RELCH: variants seen among roughly 807,000 people sequenced by gnomAD.
The protein encoded by RELCH is RAB11-binding protein RELCH.
RELCH carries 41 observed loss-of-function variants against 150.3 expected under a neutral mutation model. The ratio of observed to expected loss-of-function variants is 0.27; its 90% CI spans 0.21 to 0.35. The LOEUF (loss-of-function observed/expected upper bound fraction) is 0.35. RELCH is among the 10% of genes least tolerant of loss of function. The pLI is 1.00. For missense variants in RELCH, 1,092 were observed against 1,467.8 expected (o/e 0.74, Z 4.18); for synonymous variants, 478 against 531.8 (o/e 0.90, Z 1.39).
chr18:62,271,510 G>A (rs1245852643), intron 20 of RELCH, among the ~76,000 whole-genome samples: 1 of 151,950 alleles, frequency 6.6e-6, no homozygotes, highest in African/African-American at 2.4e-5. Context: ...TGAGTAGATT[G>A]CAAAAATTTT....
At chr18:62,264,640 G>A in intron 17 of RELCH, 89 bp from the exon 18 acceptor site, 1 of 964,538 alleles carries the variant, frequency 1.0e-6, no homozygotes, top group Non-Finnish European at 1.6e-6. Flanking sequence ...AATAGAACAG[G>A]TTATTAGATT....
At chr18:62,283,998 T>C (rs1218992225) in intron 25 of RELCH, among the ~76,000 whole-genome samples, 1 of 152,198 alleles carries the variant, frequency 6.6e-6, no homozygotes, top group African/African-American at 2.4e-5. Flanking sequence ...TTAAAACTTT[T>C]CTAGAGCATG....
At chr18:62,219,491 T>A in intron 2 of RELCH, among the ~76,000 whole-genome samples, 1 of 148,314 alleles carries the variant, frequency 6.7e-6, no homozygotes. Context: ...TGCCTAGAGT[T>A]TTAAAATGTA....
At chr18:62,244,982 C>A in intron 11 of RELCH, 106 bp downstream of exon 11, 1 of 733,896 alleles carries the variant, frequency 1.4e-6, no homozygotes, top group Admixed American at 2.0e-5. Context: ...TCTTTCCTTC[C>A]AGTATCTATT....
At chr18:62,291,953 AT>A (rs1223561332) in intron 27 of RELCH, among the ~76,000 whole-genome samples, 1 of 152,052 alleles carries the variant, frequency 6.6e-6, no homozygotes, top group East Asian at 1.9e-4. Flanking sequence ...TGCAGTTTCT[AT>A]TTTCCATCTT....
Position 62,244,444 on chromosome 18 carries a change from C to T in RELCH, c.1621-320C>T, listed in dbSNP as rs187610150. Among the ~76,000 whole-genome samples, 129 of 152,170 alleles carry T rather than the reference C, an allele frequency of 8.5e-4. 1 individual carries two copies. The highest frequency in any genetic ancestry group is 1.6e-3 in the Non-Finnish European group (109 of 67,986). On this transcript the variant is annotated intron_variant, in intron 10 of 28. Coordinates refer to ENST00000644646, the MANE Select transcript of RELCH (RefSeq NM_001346231.2). ...AAAAACACTTTTAGAATTAAAATTA[C>T]GGTGTCAGCATGTCACATGATGGAA...
At chr18:62,256,901 T>G (rs762313580) in intron 13 of RELCH, among the ~76,000 whole-genome samples, 3 of 152,052 alleles carry the variant, frequency 2.0e-5, no homozygotes, top group Non-Finnish European at 4.4e-5. Context: ...AAAAAGTAAA[T>G]AAATGAGGCT....
chr18:62,219,333 T>C (rs1042305450), intron 2 of RELCH, among the ~76,000 whole-genome samples: 4 of 147,974 alleles, frequency 2.7e-5, no homozygotes, highest in South Asian at 2.1e-4. Flanking sequence ...TTCTTTTTTT[T>C]TTTTTTTTCA....
chr18:62,298,039 T>C (rs2045497207), intron 27 of RELCH, among the ~76,000 whole-genome samples: 3 of 152,164 alleles, frequency 2.0e-5, no homozygotes, highest in Admixed American at 6.5e-5. Flanking sequence ...TCTGTCTCTC[T>C]TACTAGAACA....
At chr18:62,199,110 T>A (rs567553555) in intron 1 of RELCH, among the ~76,000 whole-genome samples, 5 of 149,290 alleles carry the variant, frequency 3.3e-5, no homozygotes, top group African/African-American at 1.2e-4. Flanking sequence ...GTCCACATTA[T>A]TTTTTTTTTC....
At chr18:62,221,323 A>C in intron 4 of RELCH, 49 bp downstream of exon 4, 1 of 1,550,568 alleles carries the variant, frequency 6.4e-7, no homozygotes, top group Non-Finnish European at 8.9e-7. Flanking sequence ...ATTAAATGGT[A>C]ACATAAATAT....
At chr18:62,240,369 T>G (rs2042083255) in intron 10 of RELCH, among the ~76,000 whole-genome samples, 1 of 151,922 alleles carries the variant, frequency 6.6e-6, no homozygotes, top group South Asian at 2.1e-4. Flanking sequence ...TTTCAAAAGA[T>G]TACCATTGAC....
intron 15 of RELCH, among the ~76,000 whole-genome samples, chr18:62,260,731 T>G (rs2144682030): frequency 6.6e-6 from 1 of 152,088 alleles, no homozygotes; most frequent in Admixed American, 6.6e-5. Context: ...GGAATATTAT[T>G]CAGCCATTAA....
At chr18:62,189,012 G>A (rs1373788006) in intron 1 of RELCH, among the ~76,000 whole-genome samples, 1 of 152,092 alleles carries the variant, frequency 6.6e-6, no homozygotes, top group African/African-American at 2.4e-5. Flanking sequence ...CTTTTGAATA[G>A]TGCCAGAGAC....
At chr18:62,211,797 A>G (rs62094274) in intron 2 of RELCH, among the ~76,000 whole-genome samples, 6,624 of 152,228 alleles carry the variant, frequency 0.044, 201 homozygotes, top group Middle Eastern at 0.12. Context: ...AAATAAATAA[A>G]TAAAATAAAA....
At position 62,308,101 on chromosome 18, in the gene RELCH, G is replaced by T. The variant is rs547200144; in HGVS notation, c.*2567G>T. Reference sequence around the variant, plus strand: ...ACTATACACTATAATTCTAATGGGGGTCTCAAGTCAAGGTGCTATCACATT... The same window carrying T: ...ACTATACACTATAATTCTAATGGGGTTCTCAAGTCAAGGTGCTATCACATT... On this transcript the variant is annotated 3_prime_UTR_variant, in exon 29 of 29. Transcript: ENST00000644646. The T allele has an allele frequency of 2.0e-5, 3 of 152,270 alleles. No individual in the cohort carries two copies. Among genetic ancestry groups the T allele is most frequent in the East Asian group, 3.9e-4 (2 of 5,188 alleles). 9.4% of individuals were successfully genotyped at this position (152,270 alleles called of 1,614,324 possible). A position where few individuals can be genotyped will look rare whatever the true frequency, so the allele number is the denominator to read the frequency against.
chr18:62,206,828 G>A (rs2039823979), intron 1 of RELCH, among the ~76,000 whole-genome samples: 1 of 33,280 alleles, frequency 3.0e-5, no homozygotes, highest in African/African-American at 1.3e-4. Flanking sequence ...CGCAGCTTCT[G>A]TACATTGTAA....
chr18:62,187,961 C>A lies in RELCH; in HGVS notation c.456C>A (p.Val152=), dbSNP rs1179757501. Residue 152 remains valine, a synonymous_variant, in exon 1 of 29, where the codon GTC becomes GTA. Transcript: ENST00000644646. Reference sequence around the variant, plus strand: ...CGCCGGGGATGGGGGCGCCAGGGGTCCCTGGAGCAGCCGGCGTTGGGGGCG... The same window carrying A: ...CGCCGGGGATGGGGGCGCCAGGGGTACCTGGAGCAGCCGGCGTTGGGGGCG... ...GTPPGMGAPG[V]PGAAGVGGAG... 13 of 1,599,628 alleles carry A rather than the reference C, an allele frequency of 8.1e-6. No individual in the cohort carries two copies. Among genetic ancestry groups the A allele is most frequent in the Non-Finnish European group, 1.1e-5 (13 of 1,174,042 alleles).
At chr18:62,258,706 T>G (rs940397769) in intron 15 of RELCH, 30 bp downstream of exon 15, 1 of 1,493,660 alleles carries the variant, frequency 6.7e-7, no homozygotes, top group African/African-American at 1.4e-5. Flanking sequence ...ATATAGTTTG[T>G]AGAAACTTAA....
Sources: gnomAD v4.1 joint callset for allele counts (sites outside exome capture counted in the v4.1 genomes callset) on GRCh38, gnomAD v4.1.1 for gene constraint, MANE v1.5 for transcripts, NCBI Gene and HGNC (gene_info 2026-07-23, HGNC 2026-07-21) for gene names.